Variants in HMGB1 observed in about 807,000 individuals in gnomAD.
HMGB1 encodes high mobility group box 1.
For synonymous variants in HMGB1, 81 were observed against 84.0 expected (o/e 0.96, Z 0.19); for missense variants, 79 against 253.5 (o/e 0.31, Z 4.67).
chr13:30,480,770 C>T (rs1307031823), intron 1 of HMGB1, among the ~76,000 whole-genome samples: 2 of 151,976 alleles, frequency 1.3e-5, no homozygotes, highest in African/African-American at 2.4e-5. Context: ...CTCCCCTCCC[C>T]GCCCTTCTCT....
chr13:30,537,652 C>CATATATATATATATATATAT (rs58424009), intron 1 of HMGB1, among the ~76,000 whole-genome samples: 1 of 68,022 alleles, frequency 1.5e-5, no homozygotes, highest in Non-Finnish European at 3.5e-5. Flanking sequence ...CATTCTTGTT[C>CATATATATATATATATATAT]ATATATATAT....
At chr13:30,544,620 G>A (rs928998541) in intron 1 of HMGB1, among the ~76,000 whole-genome samples, 1 of 152,178 alleles carries the variant, frequency 6.6e-6, no homozygotes, top group Non-Finnish European at 1.5e-5. Flanking sequence ...GGGCATGGAA[G>A]CTCTGCACCC....
At chr13:30,604,310 G>T (rs973452020) in intron 1 of HMGB1, among the ~76,000 whole-genome samples, 1 of 152,188 alleles carries the variant, frequency 6.6e-6, no homozygotes, top group African/African-American at 2.4e-5. Flanking sequence ...TTGCTAGATG[G>T]AGAATAAGCT....
rs180875338 is a variant in HMGB1 at position 30,519,351 on chromosome 13, C to G, written c.-14-55657G>C. Among the ~76,000 whole-genome samples the G allele has an allele frequency of 4.8e-3, 710 of 148,824 alleles. 3 individuals carry two copies. The highest frequency in any genetic ancestry group is 0.014 in the African/African-American group (547 of 40,136). ...GAGGTTGCAGTGAGCCAAGATCACA[C>G]CACTGCACTCTAGCCTGAGTGACAG... On this transcript the variant is annotated intron_variant, in intron 1 of 4. Coordinates refer to the HMGB1 transcript ENST00000405805.
At chr13:30,551,472 T>C (rs905727048) in intron 1 of HMGB1, among the ~76,000 whole-genome samples, 2 of 152,198 alleles carry the variant, frequency 1.3e-5, no homozygotes, top group Non-Finnish European at 1.5e-5. Context: ...TTAAATACCA[T>C]AACATAAAAA....
chr13:30,466,007 C>T (rs1886768798), upstream of HMGB1: 4 of 964,014 alleles, frequency 4.1e-6, no homozygotes, highest in Non-Finnish European at 2.5e-6. Context: ...CCGATACCTC[C>T]CATTGTCCTG....
At chr13:30,610,914 G>C (rs948940210) in intron 1 of HMGB1, among the ~76,000 whole-genome samples, 6 of 152,178 alleles carry the variant, frequency 3.9e-5, no homozygotes, top group Admixed American at 2.6e-4. Context: ...TTTAAAAAAT[G>C]AATCTGTTTT....
chr13:30,469,632 C>CTATTTATT (rs3042538), upstream of HMGB1, among the ~76,000 whole-genome samples: 5 of 60,282 alleles, frequency 8.3e-5, no homozygotes, highest in Admixed American at 1.9e-4. Flanking sequence ...CACGCCCGGC[C>CTATTTATT]TATTTATTTA....
At chr13:30,609,609 A>G (rs894510022) in intron 1 of HMGB1, among the ~76,000 whole-genome samples, 3 of 152,144 alleles carry the variant, frequency 2.0e-5, no homozygotes, top group African/African-American at 4.8e-5. Flanking sequence ...GTTTATTTCA[A>G]TAGTTTTGGG....
intron 1 of HMGB1, among the ~76,000 whole-genome samples, chr13:30,615,574 G>A (rs554701591): frequency 2.0e-5 from 3 of 152,256 alleles, no homozygotes; most frequent in African/African-American, 4.8e-5. Context: ...GGTTTTCACC[G>A]CTTTCTGAAT....
At position 30,456,719 on chromosome 13, in the gene HMGB1, T is replaced by C. The variant is rs982375362; in HGVS notation, c.*4638A>G. 1 of 130,952 alleles carries C rather than the reference T, an allele frequency of 7.6e-6. No individual in the cohort carries two copies. Among genetic ancestry groups the C allele is most frequent in the African/African-American group, 2.9e-5 (1 of 34,632 alleles). 8.1% of individuals were successfully genotyped at this position (130,952 alleles called of 1,614,324 possible). ...AAAATCTTGATTAATTGCAAAATCATTGTTAAAATGTTTCACAGCATAAAT... is the reference window on the plus strand; with the variant it reads ...AAAATCTTGATTAATTGCAAAATCACTGTTAAAATGTTTCACAGCATAAAT... On this transcript the variant is annotated 3_prime_UTR_variant, in exon 5 of 5. Coordinates refer to ENST00000341423, the MANE Select transcript of HMGB1 (RefSeq NM_002128.7).
chr13:30,602,327 A>G lies in HMGB1; in HGVS notation c.-15+14344T>C, dbSNP rs567031892. On this transcript the variant is annotated intron_variant, in intron 1 of 4. Transcript: ENST00000405805. Reference sequence around the variant, plus strand: ...CCCAGCCCAGCTGCTAACTGACTACAGCCACATGAACAGAACCAGGTGAGA... The same window carrying G: ...CCCAGCCCAGCTGCTAACTGACTACGGCCACATGAACAGAACCAGGTGAGA... Among the ~76,000 whole-genome samples, 20 of 152,352 alleles carry G rather than the reference A, an allele frequency of 1.3e-4. No homozygotes were observed. The East Asian group carries it at 3.1e-3, about 23-fold the overall frequency.
At chr13:30,491,673 AG>A (rs1887495732) in intron 1 of HMGB1, among the ~76,000 whole-genome samples, 6 of 151,442 alleles carry the variant, frequency 4.0e-5, no homozygotes, top group Admixed American at 3.3e-4. Flanking sequence ...AAAAAAAAAA[AG>A]AAAAAAAAAG....
intron 1 of HMGB1, among the ~76,000 whole-genome samples, chr13:30,497,381 T>C (rs113743340): frequency 0.036 from 5,476 of 151,024 alleles, 261 homozygotes; most frequent in African/African-American, 0.11. Flanking sequence ...TGCCTGCCAC[T>C]ACACCCAGCT....
At chr13:30,565,573 T>C (rs1870151252) in intron 1 of HMGB1, among the ~76,000 whole-genome samples, 1 of 152,202 alleles carries the variant, frequency 6.6e-6, no homozygotes, top group Non-Finnish European at 1.5e-5. Flanking sequence ...GTGTTGCTTG[T>C]CAATTTTTAA....
At chr13:30,531,758 G>A (rs1223621953) in intron 1 of HMGB1, among the ~76,000 whole-genome samples, 3 of 151,660 alleles carry the variant, frequency 2.0e-5, no homozygotes, top group Admixed American at 6.6e-5. Flanking sequence ...TTAGCTGGGC[G>A]TGGTGGTGGG....
chr13:30,538,626 TTTC>T (rs1307243431), intron 1 of HMGB1, among the ~76,000 whole-genome samples: 2 of 122,274 alleles, frequency 1.6e-5, no homozygotes, highest in Non-Finnish European at 3.2e-5. Context: ...TCTCTCTCTC[TTTC>T]TTTTTCTTTC....
chr13:30,470,355 A>G (rs1469385759), upstream of HMGB1, among the ~76,000 whole-genome samples: 9 of 152,216 alleles, frequency 5.9e-5, no homozygotes. Flanking sequence ...AGGTCTTTCT[A>G]AATCAAAAGG....
chr13:30,565,213 C>A lies in HMGB1; in HGVS notation c.-15+51458G>T, dbSNP rs563514216. ...ATTTATATTAGAGGTCAATAACTCA[C>A]CTTTGTCCTTTTAAAATAATTTTTG... On this transcript the variant is annotated intron_variant, in intron 1 of 4. Coordinates refer to the HMGB1 transcript ENST00000405805. Among the ~76,000 whole-genome samples the A allele has an allele frequency of 1.3e-4, 20 of 152,290 alleles. No individual in the cohort carries two copies. In the South Asian group the frequency reaches 3.7e-3, roughly 28 times the overall value.
Sources: gnomAD v4.1 joint callset for allele counts (sites outside exome capture counted in the v4.1 genomes callset) on GRCh38, gnomAD v4.1.1 for gene constraint, MANE v1.5 for transcripts, NCBI Gene and HGNC (gene_info 2026-07-23, HGNC 2026-07-21) for gene names.